The following MROH2A variants were observed in gnomAD, a reference collection of about 807,000 sequenced individuals.
MROH2A encodes maestro heat like repeat family member 2A, also known as maestro heat-like repeat-containing protein family member 2A.
MROH2A carries 174 observed loss-of-function variants against 200.4 expected under a neutral mutation model. The observed-to-expected ratio is 0.87, with a 90% CI of 0.77 to 0.98. The LOEUF (loss-of-function observed/expected upper bound fraction) is 0.98. Among genes scored for constraint, MROH2A ranks in the 50% least tolerant of loss-of-function variants. MROH2A has a pLI of 0.00. For missense variants in MROH2A, 2,045 were observed against 2,139.6 expected (o/e 0.96, Z 0.87); for synonymous variants, 829 against 840.4 (o/e 0.99, Z 0.23).
rs1468248896 is a variant in MROH2A at position 233,799,832 on chromosome 2, A to G, written c.1382A>G (p.Gln461Arg). 6.4e-7 allele frequency: 1 copy of G among 1,550,508 alleles called. No individual in the cohort carries two copies. Among genetic ancestry groups the G allele is most frequent in the Non-Finnish European group, 8.7e-7 (1 of 1,146,974 alleles). The change falls in exon 13 of 42, where the codon CAG (glutamine) becomes CGG (arginine). Residue 461 changes from glutamine (Q) to arginine (R), a missense_variant. By Grantham distance (43) the Gln-to-Arg change is conservative. Transcript: ENST00000389758. ...GGGCAGTTGGCTCTCTGTGGCTACC[A>G]GGAGAGAATCAAAGGCTGGGGCCTG... ...IIGQLALCGYQERIKGWGLKY... is the reference protein window; with the variant it reads ...IIGQLALCGYRERIKGWGLKY...
At chr2:233,806,823 T>C (rs948178290) in intron 19 of MROH2A, among the ~76,000 whole-genome samples, 1 of 152,186 alleles carries the variant, frequency 6.6e-6, no homozygotes, top group African/African-American at 2.4e-5. Flanking sequence ...TCCATAGGTT[T>C]TTGGGGAACT....
rs1335824753 is a variant in MROH2A, at chr2:233,823,629, G to T, written c.4078G>T (p.Val1360Phe). The T allele has an allele frequency of 6.4e-7, 1 of 1,550,514 alleles. No individual in the cohort carries two copies. Among genetic ancestry groups the T allele is most frequent in the African/African-American group, 1.4e-5 (1 of 73,184 alleles). Residue 1360 changes from valine to phenylalanine, a missense_variant, in exon 35 of 42, where the codon GTC (valine) becomes TTC (phenylalanine). Val to Phe is a conservative substitution (Grantham distance 50, BLOSUM62 -1). Coordinates refer to ENST00000389758, the MANE Select transcript of MROH2A (RefSeq NM_001394639.1). ...GGTGCTCAGGGGCATGGACTCAGAA[G>T]TCCTGAGCTGCCGCATCAGCAGCAC... ...ELVLRGMDSE[V>F]LSCRISSTAV...
Position 233,805,049 on chromosome 2 carries a change from C to T in MROH2A, c.1990C>T (p.Leu664=). 1.3e-6 allele frequency: 2 copies of T among 1,550,350 alleles called. No homozygotes were observed. The highest frequency in any genetic ancestry group is 1.7e-6 in the Non-Finnish European group (2 of 1,146,872). ...LKKTRGSSWS[L]RLSKELNNQI... is the part of the protein sequence containing the mutation. ...GAAGACCCGGGGGTCTAGCTGGAGC[C>T]TGCGCTTGAGTAAAGAGCTGAACAA... The change falls in exon 19 of 42, where the codon CTG becomes TTG. Residue 664 remains leucine (L), a synonymous_variant. Transcript: ENST00000389758.
intron 3 of MROH2A, among the ~76,000 whole-genome samples, chr2:233,786,934 C>T (rs1271679467): frequency 6.6e-6 from 1 of 152,130 alleles, no homozygotes; most frequent in Non-Finnish European, 1.5e-5. Flanking sequence ...CTGCCATGAA[C>T]AGGAATCATT....
intron 24 of MROH2A, among the ~76,000 whole-genome samples, chr2:233,812,700 G>A (rs1703242365): frequency 6.6e-6 from 1 of 152,116 alleles, no homozygotes; most frequent in South Asian, 2.1e-4. Context: ...ATAGGTCAAA[G>A]CTGACTAACA....
At chr2:233,813,800 C>T (rs1184535409) in intron 25 of MROH2A, 22 bp downstream of exon 25, 8 of 1,388,622 alleles carry the variant, frequency 5.8e-6, no homozygotes, top group South Asian at 1.2e-5. Context: ...TGGGATGCCT[C>T]ATTTGCTGGG....
rs371081783 is a variant in MROH2A, at chr2:233,819,502, G to C, written c.3357+33G>C. On this transcript the variant is annotated intron_variant, in intron 30 of 41. Coordinates refer to ENST00000389758, the MANE Select transcript of MROH2A (RefSeq NM_001394639.1). ...AGCCGCGGCAGGGCCACCAGAGAGAGGGGCTGGGGCTGCCTGGTGTGCCCA... is the reference window on the plus strand; with the variant it reads ...AGCCGCGGCAGGGCCACCAGAGAGACGGGCTGGGGCTGCCTGGTGTGCCCA... 28 of 1,543,218 alleles carry C rather than the reference G, an allele frequency of 1.8e-5. No individual in the cohort carries two copies. In the African/African-American group the frequency reaches 2.2e-4, roughly 12 times the overall value.
intron 19 of MROH2A, among the ~76,000 whole-genome samples, chr2:233,805,899 A>G (rs1259212608): frequency 2.0e-5 from 3 of 152,222 alleles, no homozygotes; most frequent in Non-Finnish European, 4.4e-5. Flanking sequence ...TCTTCCTCAC[A>G]CCACACATAA....
rs1261204641 is a variant in MROH2A at position 233,807,879 on chromosome 2, T to C, written c.2295+24T>C. ...GGGTAAGCCACCTTCCCTCCACAAC[T>C]GGGTCTTGGGATCTCTTAGCACAGT... On this transcript the variant is annotated intron_variant, in intron 21 of 41. Transcript: ENST00000389758. The surrounding 1 kb of genome is among the most constrained non-coding windows in gnomAD (Gnocchi z 4.3). The C allele has an allele frequency of 1.3e-6, 2 of 1,550,942 alleles. No individual in the cohort carries two copies. Among genetic ancestry groups the C allele is most frequent in the East Asian group, 2.4e-5 (1 of 40,926 alleles).
chr2:233,832,741 T>G, intron 41 of MROH2A, 97 bp downstream of exon 41: 8 of 672,458 alleles, frequency 1.2e-5, no homozygotes, highest in East Asian at 4.3e-5. Context: ...AGAGGACCCT[T>G]TGCTGTGGGG....
In MROH2A at chr2:233,820,046, C is replaced by A; in HGVS notation, c.3502C>A (p.Pro1168Thr). The change falls in exon 31 of 42, where the codon CCC becomes ACC. Residue 1168 changes from proline to threonine, a missense_variant. Physicochemically the swap from Pro to Thr is conservative, Grantham distance 38 (BLOSUM62 -1). Coordinates refer to ENST00000389758, the MANE Select transcript of MROH2A (RefSeq NM_001394639.1). This position sits in a 1 kb window ranked among gnomAD's most constrained non-coding sequence, Gnocchi z 4.1. ...ILTSLLRQPL[P>T]MESHLAEVWL... ...CACATCGCTCCTGAGGCAGCCACTG[C>A]CCATGGAGAGGTGGGTGCCCTGGAG... 6.6e-7 allele frequency: 1 copy of A among 1,523,600 alleles called. No individual in the cohort carries two copies. The highest frequency in any genetic ancestry group is 8.9e-7 in the Non-Finnish European group (1 of 1,129,650). The allele number at this position is 1,523,600 out of a possible 1,614,324, so 94.4% of individuals were successfully genotyped here.
At chr2:233,800,116 GA>G (rs2126124862) in intron 13 of MROH2A, 88 bp from the exon 14 acceptor site, 1 of 1,100,052 alleles carries the variant, frequency 9.1e-7, no homozygotes, top group East Asian at 2.6e-5. Context: ...TCTGGGCATG[GA>G]GCCCCTGGGG....
At chr2:233,809,381 C>G in intron 22 of MROH2A, 103 bp downstream of exon 22, 3 of 1,303,952 alleles carry the variant, frequency 2.3e-6, no homozygotes, top group Non-Finnish European at 3.2e-6. Context: ...AGGGGACATC[C>G]AGGCATCTTA....
At chr2:233,788,074 CAT>C (rs1379965552) in intron 3 of MROH2A, among the ~76,000 whole-genome samples, 3 of 63,172 alleles carry the variant, frequency 4.7e-5, no homozygotes, top group African/African-American at 2.1e-4. Flanking sequence ...TATATATATA[CAT>C]ATATATTATA....
At position 233,822,486 on chromosome 2, in the gene MROH2A, G is replaced by A. The variant is rs1053422965; in HGVS notation, c.3796G>A (p.Ala1266Thr). 6 of 1,550,408 alleles carry A rather than the reference G, an allele frequency of 3.9e-6. No individual in the cohort carries two copies. Among genetic ancestry groups the A allele is most frequent in the Non-Finnish European group, 3.5e-6 (4 of 1,147,010 alleles). The stretch of plus-strand genomic sequence containing the variant: ...TGGAAGCAGCCACCGACCAGAGGCC[G>A]CCCCGCCGGTCTTGAAGATGTGGAA... ...QLGSSHRPEA[A>T]PPVLKMWKLV... Residue 1266 changes from alanine to threonine, a missense_variant, in exon 33 of 42, where the codon GCC becomes ACC. Physicochemically the swap from Ala to Thr is moderately conservative, Grantham distance 58. This residue lies in a region of MROH2A where 1,201 missense variants were observed against 1,311.3 expected (regional missense o/e 0.92). Transcript: ENST00000389758.
At chr2:233,816,943 C>CAGATAGACACAGGAATT in intron 27 of MROH2A, 58 bp downstream of exon 27, 1 of 1,027,736 alleles carries the variant, frequency 9.7e-7, no homozygotes, top group Non-Finnish European at 1.5e-6. Context: ...AGAAAAATTC[C>CAGATAGACACAGGAATT]TGTGTCTATC....
chr2:233,824,259 A>G (rs1400972269), intron 35 of MROH2A, among the ~76,000 whole-genome samples: 1 of 152,264 alleles, frequency 6.6e-6, no homozygotes, highest in Non-Finnish European at 1.5e-5. Flanking sequence ...ACTGGAATTT[A>G]AACTTCATGG....
At chr2:233,819,198 A>G (rs369070179) in intron 29 of MROH2A, 119 bp from the exon 30 acceptor site, 9 of 1,045,734 alleles carry the variant, frequency 8.6e-6, no homozygotes, top group Non-Finnish European at 1.2e-5. Context: ...GGCCATGGCC[A>G]TGGTCTGAGA....
At chr2:233,787,528 C>CATATATATTAT (rs1559435142) in intron 3 of MROH2A, among the ~76,000 whole-genome samples, 1 of 88,146 alleles carries the variant, frequency 1.1e-5, no homozygotes, top group African/African-American at 4.7e-5. Context: ...ATATATATTA[C>CATATATATTAT]ATATATCATA....
Sources: allele counts gnomAD v4.1 joint callset (sites outside exome capture counted in the v4.1 genomes callset), GRCh38; gene constraint gnomAD v4.1.1; regional missense constraint gnomAD v4.1.1; non-coding constraint Gnocchi (gnomAD v3.1); transcripts MANE v1.5; gene names NCBI Gene and HGNC (gene_info 2026-07-23, HGNC 2026-07-21).